LMBR1: variants seen among roughly 807,000 people sequenced by gnomAD.
LMBR1 encodes limb region 1 protein homolog.
A neutral mutation model predicts 73.9 loss-of-function variants in LMBR1; 52 were observed. The ratio of observed to expected loss-of-function variants is 0.70; its 90% confidence interval spans 0.56 to 0.89. The LOEUF (loss-of-function observed/expected upper bound fraction) is 0.89, where lower values mean the gene tolerates loss of function less well. LMBR1 is among the 40% of genes least tolerant of loss of function. The pLI is 0.00. For synonymous variants in LMBR1, 215 were observed against 209.4 expected (o/e 1.03, Z -0.23); for missense variants, 539 against 579.8 (o/e 0.93, Z 0.72).
At chr7:156,718,802 C>T (rs1423602630) in intron 15 of LMBR1, among the ~76,000 whole-genome samples, 1 of 151,754 alleles carries the variant, frequency 6.6e-6, no homozygotes, top group Non-Finnish European at 1.5e-5. Context: ...CAAATTAGAC[C>T]CTTACGATCA....
At position 156,817,603 on chromosome 7, in the gene LMBR1, TAAC is replaced by T. The variant is rs544279957; in HGVS notation, c.319+8999_319+9001del. Among the ~76,000 whole-genome samples, 203 of 152,144 alleles carry T rather than the reference TAAC, an allele frequency of 1.3e-3. 1 individual carries two copies. The highest frequency in any genetic ancestry group is 4.0e-3 in the African/African-American group (167 of 41,518). ...CTTATTTACTTAGAAGAAAAATAAA[TAAC>T]AACTACCAATGAAATGTGGGACTTT... On this transcript the variant is annotated intron_variant, in intron 4 of 16. Transcript: ENST00000353442.
rs554064112 is a variant in LMBR1 at position 156,682,351 on chromosome 7, GT to G, written c.*1726del. On this transcript the variant is annotated 3_prime_UTR_variant, in exon 17 of 17. Transcript: ENST00000353442. ...TTCTTTCTGTTCTTCCCTTCACTTG[GT>G]CTGCTCAAAGTATGGACTCCAAGCT... 1.3e-3 allele frequency: 191 copies of G among 152,242 alleles called. 2 individuals carry two copies. Among genetic ancestry groups the G allele is most frequent in the African/African-American group, 4.5e-3 (188 of 41,544 alleles). The allele number at this position is 152,242 out of a possible 1,614,324, so 9.4% of individuals were successfully genotyped here. A position where few individuals can be genotyped will look rare whatever the true frequency, so the allele number is the denominator to read the frequency against.
At chr7:156,757,259 T>A (rs1822075234) in intron 8 of LMBR1, among the ~76,000 whole-genome samples, 1 of 152,250 alleles carries the variant, frequency 6.6e-6, no homozygotes, top group Non-Finnish European at 1.5e-5. Context: ...TTTACCTACA[T>A]AATGTCTAAA....
At chr7:156,780,233 AAAAAATT>A (rs1826888354) in intron 5 of LMBR1, among the ~76,000 whole-genome samples, 1 of 152,198 alleles carries the variant, frequency 6.6e-6, no homozygotes, top group Non-Finnish European at 1.5e-5. Flanking sequence ...ATACAAGATG[AAAAAATT>A]AAAACTATAA....
At chr7:156,756,561 G>A (rs746312204) in intron 8 of LMBR1, 96 bp from the exon 9 acceptor site, 11 of 651,036 alleles carry the variant, frequency 1.7e-5, no homozygotes, top group Admixed American at 2.7e-5. Flanking sequence ...TTTAGGTAAC[G>A]TATTCATTCA....
At chr7:156,698,023 G>A (rs1373161090) in intron 15 of LMBR1, among the ~76,000 whole-genome samples, 2 of 152,216 alleles carry the variant, frequency 1.3e-5, no homozygotes, top group East Asian at 3.8e-4. Context: ...CAGGGATACA[G>A]GCATTGGGTA....
chr7:156,702,236 C>T (rs1809910360), intron 15 of LMBR1, among the ~76,000 whole-genome samples: 1 of 152,198 alleles, frequency 6.6e-6, no homozygotes, highest in Admixed American at 6.5e-5. Context: ...CTTACATTCC[C>T]AACAACAGTG....
At chr7:156,799,306 T>C (rs1230563602) in intron 4 of LMBR1, among the ~76,000 whole-genome samples, 2 of 152,170 alleles carry the variant, frequency 1.3e-5, no homozygotes, top group African/African-American at 4.8e-5. Flanking sequence ...GACAACTCTG[T>C]GGTGAACAAG....
intron 5 of LMBR1, among the ~76,000 whole-genome samples, chr7:156,764,644 T>C (rs947495850): frequency 6.6e-6 from 1 of 152,220 alleles, no homozygotes; most frequent in African/African-American, 2.4e-5. Flanking sequence ...AATACATCCA[T>C]ATTTCTCAAT....
intron 1 of LMBR1, among the ~76,000 whole-genome samples, chr7:156,890,154 T>C (rs1031341170): frequency 1.3e-5 from 2 of 151,952 alleles, no homozygotes; most frequent in South Asian, 4.1e-4. Flanking sequence ...GAGAAAAAAA[T>C]ATGACTCCTA....
intron 15 of LMBR1, among the ~76,000 whole-genome samples, chr7:156,709,927 T>TG (rs2132169507): frequency 7.8e-6 from 1 of 127,992 alleles, no homozygotes; most frequent in African/African-American, 3.0e-5. Flanking sequence ...TTTTTTGAGA[T>TG]GGAGTCTCAC....
intron 15 of LMBR1, among the ~76,000 whole-genome samples, chr7:156,720,976 A>G (rs1242310905): frequency 6.6e-6 from 1 of 152,034 alleles, no homozygotes; most frequent in Non-Finnish European, 1.5e-5. Context: ...ACCCGTTATA[A>G]AACAAGGTCC....
At chr7:156,691,157 A>G (rs1807095532) in intron 15 of LMBR1, among the ~76,000 whole-genome samples, 1 of 152,214 alleles carries the variant, frequency 6.6e-6, no homozygotes, top group Admixed American at 6.5e-5. Flanking sequence ...TATTAGAAAG[A>G]TCTAATTATC....
At chr7:156,832,445 C>T (rs551200769) in intron 3 of LMBR1, among the ~76,000 whole-genome samples, 106 of 152,242 alleles carry the variant, frequency 7.0e-4, no homozygotes, top group Admixed American at 2.2e-3. Context: ...ATGCCAAACC[C>T]ATGAAGCAGC....
intron 5 of LMBR1, among the ~76,000 whole-genome samples, chr7:156,792,607 G>C (rs1241238156): frequency 6.6e-6 from 1 of 152,234 alleles, no homozygotes; most frequent in African/African-American, 2.4e-5. Flanking sequence ...GGTAAGAAGA[G>C]AGAAGCAAAG....
At position 156,727,841 on chromosome 7, in the gene LMBR1, A is replaced by T. The variant is rs971421752; in HGVS notation, c.993+89T>A. 3 of 797,380 alleles carry T rather than the reference A, an allele frequency of 3.8e-6. No homozygotes were observed. The African/African-American group carries it at 5.1e-5, about 14-fold the overall frequency. The allele number at this position is 797,380 out of a possible 1,614,324, so 49.4% of individuals were successfully genotyped here. On this transcript the variant is annotated intron_variant, in intron 12 of 16. Transcript: ENST00000353442. ...TGAAGTATATACATGCACAAAGGTG[A>T]ATGTTTTCATTTGCTTACTTGAAAT...
At chr7:156,674,547 T>C (rs7805523), downstream of LMBR1, among the ~76,000 whole-genome samples, 90,785 of 152,080 alleles carry the variant, frequency 0.6, 28,648 homozygotes, top group African/African-American at 0.8. Flanking sequence ...CAGATGACAC[T>C]GGTGGCCACT....
chr7:156,688,944 TA>T (rs1439304091), intron 15 of LMBR1, among the ~76,000 whole-genome samples: 3 of 152,160 alleles, frequency 2.0e-5, no homozygotes, highest in Admixed American at 1.3e-4. Flanking sequence ...TTCCTTCCAT[TA>T]AAAATTGTTA....
intron 5 of LMBR1, among the ~76,000 whole-genome samples, chr7:156,766,205 C>T (rs1035123177): frequency 6.6e-6 from 1 of 152,064 alleles, no homozygotes; most frequent in Non-Finnish European, 1.5e-5. Context: ...TTCTTAAGGT[C>T]GTACAGCAGA....
Sources: allele counts gnomAD v4.1 joint callset (sites outside exome capture counted in the v4.1 genomes callset), GRCh38; gene constraint gnomAD v4.1.1; transcripts MANE v1.5; gene names NCBI Gene and HGNC (gene_info 2026-07-23, HGNC 2026-07-21).